Variants in KALRN observed in about 807,000 individuals in gnomAD.
The protein encoded by KALRN is kalirin RhoGEF kinase, also known as kalirin.
A neutral mutation model predicts 353.7 loss-of-function variants in KALRN; 70 were observed. That is an observed-to-expected ratio of 0.20 (90% confidence interval 0.16 to 0.24). The LOEUF (loss-of-function observed/expected upper bound fraction) is 0.24. KALRN is among the 10% of genes least tolerant of loss of function. The probability of loss-of-function intolerance (pLI) is 1.00; values close to 1 mark genes in which losing one functional copy is unlikely to be tolerated. For missense variants in KALRN, 2,791 were observed against 3,756.7 expected (o/e 0.74, Z 6.72); for synonymous variants, 1,391 against 1,434.8 (o/e 0.97, Z 0.69).
At chr3:124,100,197 C>G (rs2061750056) in intron 1 of KALRN, 1 of 152,128 alleles carries the variant, frequency 6.6e-6, no homozygotes, top group Admixed American at 6.5e-5. Context: ...AGATCATTTG[C>G]CCACTTTTTA....
intron 22 of KALRN, among the ~76,000 whole-genome samples, chr3:124,456,063 C>T (rs922631181): frequency 1.3e-5 from 2 of 152,060 alleles, no homozygotes; most frequent in Non-Finnish European, 2.9e-5. Context: ...CTAGGAAGTT[C>T]CATCATATAT....
chr3:124,240,218 ACCTT>A (rs1226554419), intron 3 of KALRN, among the ~76,000 whole-genome samples: 1 of 152,164 alleles, frequency 6.6e-6, no homozygotes, highest in Admixed American at 6.5e-5. Flanking sequence ...GTTAGTAATC[ACCTT>A]CCTTAGAGTC....
intron 6 of KALRN, among the ~76,000 whole-genome samples, chr3:124,313,128 T>C (rs908751230): frequency 1.3e-5 from 2 of 152,196 alleles, no homozygotes; most frequent in African/African-American, 4.8e-5. Context: ...TCTTCAGGGA[T>C]GGACATGCTT....
At chr3:124,232,850 T>C (rs2079322909) in intron 2 of KALRN, among the ~76,000 whole-genome samples, 2 of 151,710 alleles carry the variant, frequency 1.3e-5, no homozygotes, top group Admixed American at 6.6e-5. Flanking sequence ...GCTTAGGAAG[T>C]GGAACCAAGT....
intron 33 of KALRN, among the ~76,000 whole-genome samples, chr3:124,542,774 G>A (rs62265346): frequency 0.015 from 2,341 of 152,272 alleles, 32 homozygotes; most frequent in South Asian, 0.032. Context: ...GTCACTGATA[G>A]TACCAGAGTA....
intron 9 of KALRN, among the ~76,000 whole-genome samples, chr3:124,346,369 C>T (rs902782138): frequency 6.6e-6 from 1 of 152,092 alleles, no homozygotes; most frequent in African/African-American, 2.4e-5. Flanking sequence ...CCTCTATTGC[C>T]CAGGGGTCTC....
chr3:124,455,735 C>T (rs2059248663), intron 22 of KALRN, among the ~76,000 whole-genome samples: 2 of 152,170 alleles, frequency 1.3e-5, no homozygotes, highest in African/African-American at 4.8e-5. Flanking sequence ...TTAGAGTCCC[C>T]AGTATATATA....
At chr3:124,605,004 T>C (rs978660114) in intron 34 of KALRN, among the ~76,000 whole-genome samples, 12 of 151,824 alleles carry the variant, frequency 7.9e-5, no homozygotes, top group African/African-American at 2.7e-4. Context: ...AAAATATATA[T>C]ATACAAAAAT....
intron 37 of KALRN, among the ~76,000 whole-genome samples, chr3:124,640,596 T>C (rs892141338): frequency 6.6e-6 from 1 of 152,144 alleles, no homozygotes; most frequent in African/African-American, 2.4e-5. Context: ...TGCATTCTAT[T>C]ATTCTATTCT....
At chr3:124,642,806 G>GTTGTTTTTTTGTTTTTTTTTTTTTTT (rs796628603) in intron 37 of KALRN, among the ~76,000 whole-genome samples, 1 of 96,820 alleles carries the variant, frequency 1.0e-5, no homozygotes, top group East Asian at 4.8e-4. Flanking sequence ...CCCAAGCCTC[G>GTTGTTTTTTTGTTTTTTTTTTTTTTT]TTTTTTTTTT....
At chr3:124,439,185 C>A (rs1445321142) in intron 18 of KALRN, 148 bp downstream of exon 18, 7 of 633,624 alleles carry the variant, frequency 1.1e-5, no homozygotes, top group Non-Finnish European at 1.8e-5. Context: ...TCCTTCTTCT[C>A]CTTCTCTCTC....
intron 34 of KALRN, among the ~76,000 whole-genome samples, chr3:124,585,841 A>G (rs2075124972): frequency 6.6e-6 from 1 of 152,142 alleles, no homozygotes; most frequent in South Asian, 2.1e-4. Context: ...CCCATTTACA[A>G]TACCCCACCC....
intron 1 of KALRN, among the ~76,000 whole-genome samples, chr3:124,212,371 A>G (rs1320211339): frequency 6.6e-6 from 1 of 152,140 alleles, no homozygotes; most frequent in Non-Finnish European, 1.5e-5. Context: ...TAACCTATAT[A>G]GTGTGTGTAT....
rs1357327836 is a variant in KALRN, at chr3:124,629,166, T to C, written c.5183-3254T>C. Among the ~76,000 whole-genome samples, 11 of 152,190 alleles carry C rather than the reference T, an allele frequency of 7.2e-5. No individual in the cohort carries two copies. The South Asian group carries it at 2.1e-3, about 29-fold the overall frequency. ...CTGGTCAGGTATTCTCCCAAGATCA[T>C]GGTGATGATGAGAAGCATCAGCATA... On this transcript the variant is annotated intron_variant, in intron 34 of 59. Coordinates refer to ENST00000682506, the MANE Select transcript of KALRN (RefSeq NM_001388419.1).
intron 7 of KALRN, among the ~76,000 whole-genome samples, chr3:124,327,360 G>C (rs2080025516): frequency 6.6e-6 from 1 of 152,162 alleles, no homozygotes; most frequent in African/African-American, 2.4e-5. Flanking sequence ...TTTCACCTTT[G>C]TCTCACTCCT....
intron 33 of KALRN, among the ~76,000 whole-genome samples, chr3:124,538,853 C>A (rs1411021571): frequency 1.3e-5 from 2 of 152,144 alleles, no homozygotes; most frequent in Non-Finnish European, 2.9e-5. Context: ...GCTTTTCGAT[C>A]TTTTTTTGAA....
chr3:124,522,933 G>A (rs2067284829), intron 33 of KALRN, among the ~76,000 whole-genome samples: 1 of 152,178 alleles, frequency 6.6e-6, no homozygotes, highest in Admixed American at 6.5e-5. Context: ...CCCCAAGCAT[G>A]GAGGAATTAA....
At chr3:124,051,655 T>C (rs1037885072) in intron 1 of KALRN, among the ~76,000 whole-genome samples, 1 of 152,172 alleles carries the variant, frequency 6.6e-6, no homozygotes, top group African/African-American at 2.4e-5. Context: ...CCTCTTTTGA[T>C]GCGGAAAACT....
chr3:124,156,456 C>T (rs1439397759), intron 1 of KALRN, among the ~76,000 whole-genome samples: 1 of 152,156 alleles, frequency 6.6e-6, no homozygotes, highest in Non-Finnish European at 1.5e-5. Flanking sequence ...ATCACCTGAC[C>T]TCAAGTCTTG....
Sources: allele counts gnomAD v4.1 joint callset (sites outside exome capture counted in the v4.1 genomes callset), GRCh38; gene constraint gnomAD v4.1.1; transcripts MANE v1.5; gene names NCBI Gene and HGNC (gene_info 2026-07-23, HGNC 2026-07-21).